The following CACNA2D1 variants were observed in gnomAD, a reference collection of about 807,000 sequenced individuals.
CACNA2D1 encodes the protein voltage-dependent calcium channel subunit alpha-2/delta-1.
In CACNA2D1, 53 loss-of-function variants were observed where a neutral mutation model predicts 171.5. The observed-to-expected ratio is 0.31, with a 90% confidence interval of 0.25 to 0.39. The LOEUF (loss-of-function observed/expected upper bound fraction) is 0.39, where lower values mean the gene tolerates loss of function less well. CACNA2D1 is among the 10% of genes least tolerant of loss of function. The probability of loss-of-function intolerance (pLI) is 1.00; values close to 1 mark genes in which losing one functional copy is unlikely to be tolerated. For synonymous variants in CACNA2D1, 442 were observed against 443.1 expected (o/e 1.00, Z 0.03); for missense variants, 903 against 1,299.8 (o/e 0.69, Z 4.69).
chr7:82,120,926 T>A (rs1789664065), intron 5 of CACNA2D1, among the ~76,000 whole-genome samples: 1 of 152,112 alleles, frequency 6.6e-6, no homozygotes, highest in African/African-American at 2.4e-5. Flanking sequence ...CATTACTTTT[T>A]AATATACAGT....
At chr7:82,232,859 TC>T (rs1803108917) in intron 3 of CACNA2D1, among the ~76,000 whole-genome samples, 1 of 58,850 alleles carries the variant, frequency 1.7e-5, no homozygotes, top group Non-Finnish European at 2.7e-5. Context: ...GCGAGATGTC[TC>T]CAAAAAAAAA....
chr7:82,085,307 C>G lies in CACNA2D1; in HGVS notation c.527-407G>C, dbSNP rs552739887. On this transcript the variant is annotated intron_variant, in intron 6 of 38. Transcript: ENST00000356860. ...CAAGTTGTGACATGCGAAAATGTCT[C>G]CAGACTGTCAGATGGCCCCTGCGGG... is the stretch of plus-strand genomic sequence containing the variant. Among the ~76,000 whole-genome samples the G allele has an allele frequency of 1.7e-4, 26 of 152,174 alleles. No homozygotes were observed. In the East Asian group the frequency reaches 5.0e-3, roughly 29 times the overall value.
At chr7:82,113,747 AT>A (rs1788709911) in intron 6 of CACNA2D1, among the ~76,000 whole-genome samples, 2 of 152,158 alleles carry the variant, frequency 1.3e-5, no homozygotes, top group Admixed American at 6.5e-5. Context: ...CACACACCAC[AT>A]GAAGAATACT....
chr7:82,035,070 AC>A (rs895584459), intron 11 of CACNA2D1, among the ~76,000 whole-genome samples: 1 of 152,128 alleles, frequency 6.6e-6, no homozygotes, highest in Non-Finnish European at 1.5e-5. Context: ...AGCCAAAAAA[AC>A]AAGATTGTTT....
intron 7 of CACNA2D1, among the ~76,000 whole-genome samples, chr7:82,080,575 T>A (rs765028438): frequency 1.3e-5 from 2 of 152,196 alleles, no homozygotes; most frequent in Non-Finnish European, 2.9e-5. Context: ...AATACCTTCT[T>A]AGCAAAAGTG....
intron 3 of CACNA2D1, among the ~76,000 whole-genome samples, chr7:82,189,917 G>A (rs1167959787): frequency 6.6e-6 from 1 of 151,796 alleles, no homozygotes; most frequent in Non-Finnish European, 1.5e-5. Flanking sequence ...ATTAATAAAA[G>A]GTTTACATTA....
intron 38 of CACNA2D1, among the ~76,000 whole-genome samples, chr7:81,955,537 TAATGTAA>T (rs375305595): frequency 5.1e-4 from 77 of 152,232 alleles, no homozygotes; most frequent in African/African-American, 1.9e-3. Context: ...CATATTTTGT[TAATGTAA>T]AATATACATC....
At chr7:82,078,331 T>C (rs13221996) in intron 7 of CACNA2D1, among the ~76,000 whole-genome samples, 57,126 of 151,966 alleles carry the variant, frequency 0.38, 11,191 homozygotes, top group Non-Finnish European at 0.43. Context: ...GGCATTTCAA[T>C]GAACCACTGA....
intron 3 of CACNA2D1, among the ~76,000 whole-genome samples, chr7:82,189,843 G>T (rs977624790): frequency 3.3e-5 from 5 of 151,776 alleles, no homozygotes; most frequent in East Asian, 1.9e-4. Context: ...AAAATGCAAA[G>T]TAGCTGCATT....
chr7:82,151,554 G>T (rs1181577556), intron 4 of CACNA2D1, among the ~76,000 whole-genome samples: 1 of 152,068 alleles, frequency 6.6e-6, no homozygotes, highest in Non-Finnish European at 1.5e-5. Flanking sequence ...AAGAAATTTG[G>T]ATGGTTTTTA....
chr7:82,412,404 T>C (rs1281542736), intron 1 of CACNA2D1, among the ~76,000 whole-genome samples: 1 of 150,524 alleles, frequency 6.6e-6, no homozygotes, highest in Non-Finnish European at 1.5e-5. Context: ...TCCTTCAGAC[T>C]CCCGAGTAGC....
chr7:82,127,135 C>G (rs2129064235), intron 5 of CACNA2D1, among the ~76,000 whole-genome samples: 2 of 152,362 alleles, frequency 1.3e-5, no homozygotes, highest in South Asian at 4.1e-4. Context: ...CCTAGGGAAA[C>G]TACATTGTCT....
chr7:82,050,426 C>T, intron 10 of CACNA2D1: 1 of 592,738 alleles, frequency 1.7e-6, no homozygotes, highest in Middle Eastern at 2.7e-4. Flanking sequence ...TCAATTCCCA[C>T]AGGATGACAG....
rs75538662 is a variant in CACNA2D1, at chr7:82,085,330, G to A, written c.527-430C>T. The stretch of plus-strand genomic sequence containing the variant: ...CTCCAGACTGTCAGATGGCCCCTGC[G>A]GGCAAAATCACTCCTGCTTGAGAAC... On this transcript the variant is annotated intron_variant, in intron 6 of 38. Transcript: ENST00000356860. 8.5e-4 allele frequency among the ~76,000 whole-genome samples: 129 copies of A among 152,040 alleles called. 2 individuals carry two copies. The East Asian group carries it at 0.019, about 22-fold the overall frequency.
At chr7:82,298,576 CT>C (rs144109103) in intron 3 of CACNA2D1, among the ~76,000 whole-genome samples, 19,681 of 141,174 alleles carry the variant, frequency 0.14, 1,517 homozygotes, top group African/African-American at 0.23. Flanking sequence ...GTGCAAATGT[CT>C]TTTTTTTTTT....
chr7:82,211,799 T>C (rs1295501692), intron 3 of CACNA2D1, among the ~76,000 whole-genome samples: 2 of 152,228 alleles, frequency 1.3e-5, no homozygotes, highest in Non-Finnish European at 2.9e-5. Context: ...CTTTCCACAA[T>C]GGCTGAACTA....
intron 3 of CACNA2D1, among the ~76,000 whole-genome samples, chr7:82,190,664 C>A (rs1442037290): frequency 6.6e-6 from 1 of 151,614 alleles, no homozygotes. Context: ...AGCTTTGGGC[C>A]ATTTTCAATA....
chr7:82,284,552 A>G (rs1008515340), intron 3 of CACNA2D1, among the ~76,000 whole-genome samples: 2 of 152,212 alleles, frequency 1.3e-5, no homozygotes, highest in Non-Finnish European at 2.9e-5. Context: ...AGGCACCAGT[A>G]CATTCAGTGT....
chr7:82,253,400 G>A (rs1436442672), intron 3 of CACNA2D1, among the ~76,000 whole-genome samples: 1 of 152,126 alleles, frequency 6.6e-6, no homozygotes, highest in African/African-American at 2.4e-5. Flanking sequence ...GATCCATGAA[G>A]AGAGAAAGGA....
Sources: allele counts gnomAD v4.1 joint callset (sites outside exome capture counted in the v4.1 genomes callset), GRCh38; gene constraint gnomAD v4.1.1; transcripts MANE v1.5; gene names NCBI Gene and HGNC (gene_info 2026-07-23, HGNC 2026-07-21).